Variants in MSRA observed in about 807,000 individuals in gnomAD.
MSRA encodes mitochondrial peptide methionine sulfoxide reductase.
MSRA carries 54 observed loss-of-function variants against 31.3 expected under a neutral mutation model. The ratio of observed to expected loss-of-function variants is 1.73; its 90% confidence interval spans 1.39 to 2.17. The LOEUF is 2.17. Among genes scored for constraint, MSRA ranks in the 30% most tolerant of loss-of-function variants. The pLI is 0.00. For synonymous variants in MSRA, 169 were observed against 116.5 expected (o/e 1.45, Z -2.90); for missense variants, 507 against 300.9 (o/e 1.69, Z -5.07).
At chr8:10,148,448 C>G (rs955991783) in intron 1 of MSRA, among the ~76,000 whole-genome samples, 3 of 151,594 alleles carry the variant, frequency 2.0e-5, no homozygotes, top group Admixed American at 6.6e-5. Flanking sequence ...AGAGTTCCAG[C>G]CCAGCCTGGC....
At chr8:10,063,497 G>A (rs181552405) in intron 1 of MSRA, among the ~76,000 whole-genome samples, 1 of 152,210 alleles carries the variant, frequency 6.6e-6, no homozygotes, top group Admixed American at 6.5e-5. Flanking sequence ...CTCCTTCCTT[G>A]CAGGTTGCTA....
intron 1 of MSRA, among the ~76,000 whole-genome samples, chr8:10,110,181 TTTAA>T (rs1425884481): frequency 1.3e-5 from 2 of 152,224 alleles, no homozygotes; most frequent in Admixed American, 1.3e-4. Flanking sequence ...CACCATCACA[TTTAA>T]TTAATTAATA....
intron 1 of MSRA, among the ~76,000 whole-genome samples, chr8:10,058,293 GGTA>G (rs1802508059): frequency 6.6e-6 from 1 of 152,038 alleles, no homozygotes; most frequent in Non-Finnish European, 1.5e-5. Flanking sequence ...TAAACAATGA[GGTA>G]GTCTCAAGAA....
At chr8:10,131,030 C>T (rs1021858428) in intron 1 of MSRA, among the ~76,000 whole-genome samples, 1 of 152,160 alleles carries the variant, frequency 6.6e-6, no homozygotes, top group African/African-American at 2.4e-5. Context: ...CTTGTTTTTG[C>T]AAACTACAGA....
chr8:10,209,346 A>G (rs1809280531), intron 2 of MSRA, among the ~76,000 whole-genome samples: 1 of 152,156 alleles, frequency 6.6e-6, no homozygotes, highest in Non-Finnish European at 1.5e-5. Context: ...GTCTTATGTC[A>G]TATTGGGAAA....
At chr8:10,394,221 G>A (rs944802132) in intron 5 of MSRA, among the ~76,000 whole-genome samples, 2 of 152,090 alleles carry the variant, frequency 1.3e-5, no homozygotes, top group African/African-American at 2.4e-5. Context: ...TTATTGTAGC[G>A]AAACCAAAGT....
chr8:10,071,613 T>G (rs1797735259), intron 1 of MSRA, among the ~76,000 whole-genome samples: 1 of 152,146 alleles, frequency 6.6e-6, no homozygotes, highest in Non-Finnish European at 1.5e-5. Context: ...TTCCTATGCT[T>G]TTTGTTTTCC....
intron 2 of MSRA, among the ~76,000 whole-genome samples, chr8:10,243,667 A>G (rs1196153168): frequency 2.0e-5 from 3 of 152,152 alleles, no homozygotes; most frequent in Non-Finnish European, 4.4e-5. Context: ...AAATATTCCT[A>G]AATTGTCACC....
intron 3 of MSRA, among the ~76,000 whole-genome samples, chr8:10,269,627 G>T (rs1055883014): frequency 2.6e-4 from 39 of 151,842 alleles, no homozygotes; most frequent in African/African-American, 8.9e-4. Context: ...CTCTCTTTTG[G>T]TTTTTTGTTG....
At chr8:10,097,197 T>C (rs1174912510) in intron 1 of MSRA, among the ~76,000 whole-genome samples, 1 of 152,226 alleles carries the variant, frequency 6.6e-6, no homozygotes, top group African/African-American at 2.4e-5. Flanking sequence ...ATATGAAATC[T>C]AACAGAGGTG....
chr8:10,350,649 G>A (rs1212208026), intron 5 of MSRA, among the ~76,000 whole-genome samples: 1 of 152,232 alleles, frequency 6.6e-6, no homozygotes. Flanking sequence ...GCTTTGCCGG[G>A]CTTCAGGCTG....
intron 5 of MSRA, among the ~76,000 whole-genome samples, chr8:10,359,405 G>A (rs1287967874): frequency 4.0e-5 from 6 of 151,896 alleles, no homozygotes; most frequent in Admixed American, 3.9e-4. Flanking sequence ...CTGACATTAT[G>A]TTTTAATATT....
At chr8:10,357,230 T>A (rs1804560957) in intron 5 of MSRA, among the ~76,000 whole-genome samples, 1 of 152,238 alleles carries the variant, frequency 6.6e-6, no homozygotes, top group African/African-American at 2.4e-5. Context: ...TTATTTCAAC[T>A]CTATGAATTT....
At chr8:10,359,011 C>G (rs1483351627) in intron 5 of MSRA, among the ~76,000 whole-genome samples, 1 of 152,176 alleles carries the variant, frequency 6.6e-6, no homozygotes, top group Non-Finnish European at 1.5e-5. Context: ...ATCCCAAAAA[C>G]ATTCCCTTAT....
chr8:10,251,874 A>G (rs1374623695), intron 3 of MSRA, among the ~76,000 whole-genome samples: 2 of 139,704 alleles, frequency 1.4e-5, no homozygotes, highest in Admixed American at 7.4e-5. Flanking sequence ...GGGGGGGGGG[A>G]CATAGGTCAT....
intron 1 of MSRA, among the ~76,000 whole-genome samples, chr8:10,075,032 T>A (rs968285204): frequency 7.9e-5 from 12 of 152,242 alleles, no homozygotes; most frequent in African/African-American, 2.9e-4. Flanking sequence ...CCTCCTTGCT[T>A]AGGAATTGCT....
chr8:10,239,484 A>T (rs150590104), intron 2 of MSRA, among the ~76,000 whole-genome samples: 98 of 152,316 alleles, frequency 6.4e-4, no homozygotes, highest in African/African-American at 2.3e-3. Flanking sequence ...AAGCCCATCC[A>T]ATTGGCAAAT....
chr8:10,133,571 G>T (rs148192243), intron 1 of MSRA, among the ~76,000 whole-genome samples: 46 of 152,280 alleles, frequency 3.0e-4, no homozygotes, highest in African/African-American at 1.1e-3. Context: ...CAGCTGTGTG[G>T]CCCTTCCAGT....
chr8:10,395,456 C>T (rs1309434345), intron 5 of MSRA, among the ~76,000 whole-genome samples: 1 of 152,094 alleles, frequency 6.6e-6, no homozygotes, highest in Non-Finnish European at 1.5e-5. Flanking sequence ...ATGGAAGAAA[C>T]ATTTAGCTGT....
Sources: gnomAD v4.1 joint callset for allele counts (sites outside exome capture counted in the v4.1 genomes callset) on GRCh38, gnomAD v4.1.1 for gene constraint, MANE v1.5 for transcripts, NCBI Gene and HGNC (gene_info 2026-07-23, HGNC 2026-07-21) for gene names.